RASEF: variants seen among roughly 807,000 people sequenced by gnomAD.
RASEF encodes ras and EF-hand domain-containing protein.
RASEF carries 68 observed loss-of-function variants against 90.1 expected under a neutral mutation model. The ratio of observed to expected loss-of-function variants is 0.75; its 90% CI spans 0.62 to 0.92. RASEF has a LOEUF of 0.92. Among genes scored for constraint, RASEF ranks in the 40% least tolerant of loss-of-function variants. The probability of loss-of-function intolerance (pLI) is 0.00; values close to 1 mark genes in which losing one functional copy is unlikely to be tolerated. For synonymous variants in RASEF, 331 were observed against 345.2 expected (o/e 0.96, Z 0.46); for missense variants, 949 against 937.2 (o/e 1.01, Z -0.16).
chr9:83,191,774 G>A, the RASEF span, among the ~76,000 whole-genome samples: 6 of 152,102 alleles, frequency 3.9e-5, no homozygotes, highest in African/African-American at 1.4e-4. Flanking sequence ...AAAATGTTTT[G>A]TTTACAGTGA....
chr9:83,175,552 T>C, the RASEF span, among the ~76,000 whole-genome samples: 1 of 152,156 alleles, frequency 6.6e-6, no homozygotes, highest in African/African-American at 2.4e-5. Context: ...TTTCATTTCA[T>C]TGTGGCTAAA....
At chr9:83,049,685 T>TC (rs778065626) in intron 1 of RASEF, among the ~76,000 whole-genome samples, 97 of 132,844 alleles carry the variant, frequency 7.3e-4, no homozygotes, top group Non-Finnish European at 1.4e-3. Context: ...TGCTATCCCT[T>TC]CCCCCCTCCC....
At chr9:83,048,312 A>G (rs1829969264) in intron 1 of RASEF, 1 of 985,372 alleles carries the variant, frequency 1.0e-6, no homozygotes, top group Non-Finnish European at 1.2e-6. Flanking sequence ...TCTGTGGTAG[A>G]GGGGTGGAAA....
chr9:82,983,213 A>G (rs573118836), intron 16 of RASEF, among the ~76,000 whole-genome samples: 1 of 151,972 alleles, frequency 6.6e-6, no homozygotes, highest in Admixed American at 6.5e-5. Flanking sequence ...TGCGATACAC[A>G]CAGCTTGCTC....
At chr9:83,218,679 G>A in the RASEF span, among the ~76,000 whole-genome samples, 336 of 152,300 alleles carry the variant, frequency 2.2e-3, 2 homozygotes, top group African/African-American at 7.4e-3. Context: ...CCCTGCTTCT[G>A]AGTGGCAAGC....
chr9:83,062,634 C>T lies in RASEF; in HGVS notation c.234G>A (p.Gly78=), dbSNP rs932779851. 5.1e-6 allele frequency: 8 copies of T among 1,554,042 alleles called. No homozygotes were observed. Among genetic ancestry groups the T allele is most frequent in the Middle Eastern group, 1.7e-4 (1 of 5,926 alleles). Residue 78 remains glycine (G), a synonymous_variant, in exon 1 of 17, where the codon GGG becomes GGA. Coordinates refer to ENST00000376447, the MANE Select transcript of RASEF (RefSeq NM_152573.4). ...ARGFLGSLRG[G]RRRDWGPLDP... is the part of the protein sequence containing the mutation. ...CCAGAGGACCCCAGTCCCGGCGCCG[C>T]CCCCCGCGGAGGGACCCGAGGAAGC...
At chr9:83,154,008 A>G in the RASEF span, among the ~76,000 whole-genome samples, 4 of 152,182 alleles carry the variant, frequency 2.6e-5, no homozygotes, top group African/African-American at 9.7e-5. Context: ...CATCTGGTTG[A>G]GCCCTGGTTC....
the RASEF span, among the ~76,000 whole-genome samples, chr9:83,152,157 G>T: frequency 4.6e-5 from 7 of 152,142 alleles, no homozygotes; most frequent in African/African-American, 1.7e-4. Flanking sequence ...GTAATTGTAA[G>T]AGGATAAAAT....
chr9:83,024,356 G>A (rs1346123309), intron 2 of RASEF, among the ~76,000 whole-genome samples: 1 of 152,136 alleles, frequency 6.6e-6, no homozygotes, highest in Non-Finnish European at 1.5e-5. Context: ...AGGTTTACAT[G>A]GTATTATCTT....
the RASEF span, among the ~76,000 whole-genome samples, chr9:83,125,298 C>T: frequency 6.6e-6 from 1 of 152,136 alleles, no homozygotes; most frequent in Admixed American, 6.5e-5. Context: ...CTGGACAAGG[C>T]ATGAAAACAG....
the RASEF span, among the ~76,000 whole-genome samples, chr9:83,099,007 C>T: frequency 6.6e-6 from 1 of 152,122 alleles, no homozygotes; most frequent in Non-Finnish European, 1.5e-5. Context: ...AGAATAGTGG[C>T]TTATTGTAGA....
chr9:83,031,017 A>G (rs1427300961), intron 1 of RASEF, among the ~76,000 whole-genome samples: 1 of 152,164 alleles, frequency 6.6e-6, no homozygotes. Context: ...ATGTGCTTGG[A>G]TCCCTGAATC....
chr9:83,195,811 CTT>C, the RASEF span, among the ~76,000 whole-genome samples: 1 of 152,018 alleles, frequency 6.6e-6, no homozygotes, highest in South Asian at 2.1e-4. Flanking sequence ...CATTAGATGA[CTT>C]TTAACAGAGG....
chr9:83,094,270 A>G, the RASEF span, among the ~76,000 whole-genome samples: 6 of 151,122 alleles, frequency 4.0e-5, 1 homozygote, highest in African/African-American at 1.2e-4. Context: ...TAGATGTGCT[A>G]TAAATATGAA....
the RASEF span, among the ~76,000 whole-genome samples, chr9:83,208,276 GC>G: frequency 6.6e-6 from 1 of 152,200 alleles, no homozygotes; most frequent in Non-Finnish European, 1.5e-5. Context: ...CTACTTTCCA[GC>G]AGAGTGATTT....
chr9:83,024,973 C>T (rs537561411), intron 2 of RASEF, among the ~76,000 whole-genome samples: 4 of 152,242 alleles, frequency 2.6e-5, no homozygotes, highest in African/African-American at 7.2e-5. Context: ...AAGGAGCATC[C>T]GTGTGGCACA....
chr9:83,146,676 T>C, the RASEF span, among the ~76,000 whole-genome samples: 1 of 152,194 alleles, frequency 6.6e-6, no homozygotes, highest in Admixed American at 6.5e-5. Flanking sequence ...TGGGTGCATA[T>C]GCTAAACAAG....
At chr9:83,162,800 T>C in the RASEF span, among the ~76,000 whole-genome samples, 1 of 152,170 alleles carries the variant, frequency 6.6e-6, no homozygotes, top group Non-Finnish European at 1.5e-5. Context: ...TGAACTGTAA[T>C]TGGCAAATTG....
rs1365201128 is a variant in RASEF, at chr9:83,000,760, AG to A, written c.1437+135del. On this transcript the variant is annotated intron_variant, in intron 10 of 16. Transcript: ENST00000376447. ...TGAGAATTTCTCCCTAACTCTGTGG[AG>A]GAAAAAGCATTTTACTAACTATGCT... 6 of 928,274 alleles carry A rather than the reference AG, an allele frequency of 6.5e-6. No homozygotes were observed. The African/African-American group carries it at 1.0e-4, about 16-fold the overall frequency. 57.5% of individuals were successfully genotyped at this position (928,274 alleles called of 1,614,324 possible).
Sources: allele counts gnomAD v4.1 joint callset (sites outside exome capture counted in the v4.1 genomes callset), GRCh38; gene constraint gnomAD v4.1.1; transcripts MANE v1.5; gene names NCBI Gene and HGNC (gene_info 2026-07-23, HGNC 2026-07-21).